PATJ: variants seen among roughly 807,000 people sequenced by gnomAD.
PATJ encodes the protein PATJ crumbs cell polarity complex component.
PATJ carries 190 observed loss-of-function variants against 224.9 expected under a neutral mutation model. That is an observed-to-expected ratio of 0.84 (90% CI 0.75 to 0.95). The LOEUF (loss-of-function observed/expected upper bound fraction) is 0.95, where lower values mean the gene tolerates loss of function less well. Among genes scored for constraint, PATJ ranks in the 40% least tolerant of loss-of-function variants. The pLI is 0.00. For synonymous variants in PATJ, 769 were observed against 820.3 expected (o/e 0.94, Z 1.07); for missense variants, 2,121 against 2,270.3 (o/e 0.93, Z 1.34).
At chr1:62,095,733 T>C (rs1661318467) in intron 33 of PATJ, among the ~76,000 whole-genome samples, 1 of 152,190 alleles carries the variant, frequency 6.6e-6, no homozygotes, top group Non-Finnish European at 1.5e-5. Context: ...TATAGCTGAT[T>C]CTCACTGTTC....
intron 28 of PATJ, among the ~76,000 whole-genome samples, chr1:62,001,034 T>C (rs1333149661): frequency 6.6e-6 from 1 of 151,956 alleles, no homozygotes; most frequent in Non-Finnish European, 1.5e-5. Context: ...TTTGATGGGG[T>C]TGTTTGTTTT....
intron 28 of PATJ, among the ~76,000 whole-genome samples, chr1:62,001,252 G>T (rs1399072357): frequency 6.6e-6 from 1 of 151,750 alleles, no homozygotes; most frequent in Non-Finnish European, 1.5e-5. Context: ...TTTTAGACAT[G>T]AAGTCCTCGC....
intron 33 of PATJ, among the ~76,000 whole-genome samples, chr1:62,085,580 C>G (rs147162335): frequency 3.3e-5 from 5 of 151,880 alleles, no homozygotes; most frequent in Admixed American, 1.3e-4. Context: ...GCATGGTAAC[C>G]GAGGCAGGTG....
Position 61,769,266 on chromosome 1 carries a change from TAACGC to T in PATJ, c.385-16_385-12del, listed in dbSNP as rs1570372920. 1.0e-5 allele frequency: 16 copies of T among 1,593,322 alleles called. No homozygotes were observed. In the Admixed American group the frequency reaches 1.1e-4, roughly 11 times the overall value. On this transcript the variant is annotated splice_polypyrimidine_tract_variant and intron_variant, in intron 4 of 43. Transcript: ENST00000642238. ...AATGTACACCATTGACTTTTTTTTT[TAACGC>T]TCCTTCATTAGGGCCGGCAAATTGA... is the stretch of plus-strand genomic sequence containing the variant.
At chr1:61,766,018 A>G (rs977634304) in intron 3 of PATJ, among the ~76,000 whole-genome samples, 2 of 152,216 alleles carry the variant, frequency 1.3e-5, no homozygotes, top group African/African-American at 4.8e-5. Context: ...AAAAGATGTC[A>G]GTGTACATGC....
At chr1:61,987,009 GTTC>G (rs1328349855) in intron 27 of PATJ, among the ~76,000 whole-genome samples, 1 of 151,412 alleles carries the variant, frequency 6.6e-6, no homozygotes, top group African/African-American at 2.4e-5. Context: ...TGCCTTCTAA[GTTC>G]TTCTTTAGCT....
chr1:61,747,042 A>G (rs1226202734), intron 1 of PATJ, among the ~76,000 whole-genome samples: 1 of 152,226 alleles, frequency 6.6e-6, no homozygotes, highest in Admixed American at 6.6e-5. Context: ...TTGCTTTGTT[A>G]AAGTTTAACA....
chr1:61,825,375 C>A (rs1318232908), intron 15 of PATJ, among the ~76,000 whole-genome samples: 1 of 152,028 alleles, frequency 6.6e-6, no homozygotes, highest in Non-Finnish European at 1.5e-5. Flanking sequence ...AGGAGGGTCA[C>A]AAGTTGAAGG....
chr1:62,101,414 T>C (rs114709797), intron 33 of PATJ, among the ~76,000 whole-genome samples: 4,634 of 151,916 alleles, frequency 0.031, 146 homozygotes, highest in African/African-American at 0.078. Flanking sequence ...AGGCACGCAC[T>C]ATCACGCCCA....
At chr1:62,126,014 A>G (rs545340179) in intron 39 of PATJ, among the ~76,000 whole-genome samples, 71 of 152,148 alleles carry the variant, frequency 4.7e-4, no homozygotes, top group African/African-American at 1.5e-3. Context: ...CGAGTGTTCC[A>G]CCCACCTCAT....
chr1:62,129,133 C>G (rs1666026579), intron 41 of PATJ, among the ~76,000 whole-genome samples, 188 bp downstream of exon 41: 1 of 152,172 alleles, frequency 6.6e-6, no homozygotes, highest in African/African-American at 2.4e-5. Flanking sequence ...AGGTAGTGAG[C>G]ATGATTATAT....
chr1:61,775,602 G>A (rs906413483), intron 7 of PATJ, among the ~76,000 whole-genome samples: 1 of 152,114 alleles, frequency 6.6e-6, no homozygotes, highest in Non-Finnish European at 1.5e-5. Context: ...TTATTGAAAA[G>A]CATTGTTAAT....
At chr1:61,868,515 A>G (rs114277743) in intron 20 of PATJ, among the ~76,000 whole-genome samples, 2,446 of 152,296 alleles carry the variant, frequency 0.016, 56 homozygotes, top group African/African-American at 0.056. Context: ...TAGGCCGGGC[A>G]TGGTGGCTCA....
At chr1:61,878,765 CA>C (rs1667687993) in intron 21 of PATJ, among the ~76,000 whole-genome samples, 1 of 151,100 alleles carries the variant, frequency 6.6e-6, no homozygotes, top group Non-Finnish European at 1.5e-5. Context: ...GCAAGTACCC[CA>C]AATATACTAT....
intron 27 of PATJ, chr1:61,952,393 G>A (rs1316385796): frequency 1.4e-6 from 1 of 717,166 alleles, no homozygotes; most frequent in Non-Finnish European, 2.6e-6. Flanking sequence ...CACAACAATG[G>A]TCCAAGGGGG....
intron 27 of PATJ, among the ~76,000 whole-genome samples, chr1:61,964,078 TTCCCTCCC>T (rs537427716): frequency 1.3e-5 from 2 of 151,786 alleles, no homozygotes; most frequent in African/African-American, 4.8e-5. Context: ...TCCTTCCTTC[TTCCCTCCC>T]TCCCTCCCTT....
At chr1:62,100,446 C>G in intron 33 of PATJ, 1 of 715,606 alleles carries the variant, frequency 1.4e-6, no homozygotes, top group South Asian at 1.5e-5. Context: ...GGGCTGAACT[C>G]TTTTTATTAG....
At chr1:61,858,855 C>G (rs188557723) in intron 18 of PATJ, among the ~76,000 whole-genome samples, 42 of 152,282 alleles carry the variant, frequency 2.8e-4, no homozygotes, top group Non-Finnish European at 5.9e-4. Flanking sequence ...TTACATCTAT[C>G]AGACACTTTA....
chr1:61,888,578 T>C (rs1044016711), intron 22 of PATJ, among the ~76,000 whole-genome samples: 1 of 152,226 alleles, frequency 6.6e-6, no homozygotes, highest in Non-Finnish European at 1.5e-5. Context: ...TCCATTGTTT[T>C]TTAAATTTCT....
Sources: gnomAD v4.1 joint callset for allele counts (sites outside exome capture counted in the v4.1 genomes callset) on GRCh38, gnomAD v4.1.1 for gene constraint, MANE v1.5 for transcripts, NCBI Gene and HGNC (gene_info 2026-07-23, HGNC 2026-07-21) for gene names.